The following GSTA1 variants were observed in gnomAD, a reference collection of about 807,000 sequenced individuals.
The protein encoded by GSTA1 is glutathione S-transferase alpha 1.
Under a neutral mutation model 21.5 loss-of-function variants are expected in GSTA1, and 23 were observed. That is an observed-to-expected ratio of 1.07 (90% confidence interval 0.77 to 1.52). The LOEUF is 1.52. Ranked by LOEUF, GSTA1 falls within the 40% of genes most tolerant of loss-of-function variation. The probability of loss-of-function intolerance (pLI) is 0.00; values close to 1 mark genes in which losing one functional copy is unlikely to be tolerated. For synonymous variants in GSTA1, 125 were observed against 90.0 expected, an observed-to-expected ratio of 1.39 and a Z score of -2.20; for missense variants, 301 against 264.2, an observed-to-expected ratio of 1.14 and a Z score of -0.96.
chr6:52,795,302 C>G (rs558171815), intron 4 of GSTA1, among the ~76,000 whole-genome samples: 1 of 152,120 alleles, frequency 6.6e-6, no homozygotes, highest in East Asian at 1.9e-4. Flanking sequence ...TACTTCATTC[C>G]TTTTCATGAC....
At chr6:52,796,487 A>ATGTGTG (rs1561912789) in intron 3 of GSTA1, among the ~76,000 whole-genome samples, 173 bp from the exon 4 acceptor site, 7 of 5,132 alleles carry the variant, frequency 1.4e-3, no homozygotes, top group African/African-American at 5.6e-3. Context: ...ATATATATAT[A>ATGTGTG]TATGTGTGTG....
chr6:52,800,030 C>T (rs1326803249), intron 1 of GSTA1, among the ~76,000 whole-genome samples: 1 of 152,192 alleles, frequency 6.6e-6, no homozygotes, highest in Non-Finnish European at 1.5e-5. Context: ...TTGTTAATCC[C>T]TGCAGCTTTT....
chr6:52,800,617 T>C (rs1763693560), intron 1 of GSTA1, among the ~76,000 whole-genome samples: 1 of 152,150 alleles, frequency 6.6e-6, no homozygotes, highest in Non-Finnish European at 1.5e-5. Context: ...TCCCAGGCTG[T>C]TTGGGAGGTG....
intron 1 of GSTA1, among the ~76,000 whole-genome samples, chr6:52,800,351 G>A (rs1472794662): frequency 6.6e-6 from 1 of 152,182 alleles, no homozygotes; most frequent in Admixed American, 6.5e-5. Context: ...CTATGTTAGT[G>A]TTTCTGAAAT....
chr6:52,794,280 A>G lies in GSTA1; in HGVS notation c.273-14T>C. ...TACATATCAATCCTGAAAGACAGAA[A>G]CAACCAAATGGTCAAATACCTTTTG... On this transcript the variant is annotated splice_polypyrimidine_tract_variant and intron_variant, in intron 4 of 6. Transcript: ENST00000334575. 1.2e-6 allele frequency: 2 copies of G among 1,605,914 alleles called. No homozygotes were observed. The highest frequency in any genetic ancestry group is 2.2e-5 in the East Asian group (1 of 44,810).
At chr6:52,795,505 T>C (rs1387585818) in intron 4 of GSTA1, among the ~76,000 whole-genome samples, 2 of 152,184 alleles carry the variant, frequency 1.3e-5, no homozygotes, top group South Asian at 2.1e-4. Context: ...GCTGGGTCAT[T>C]GGTAATACTA....
intron 4 of GSTA1, 151 bp downstream of exon 4, chr6:52,796,031 C>T: frequency 1.8e-6 from 2 of 1,127,954 alleles, no homozygotes; most frequent in African/African-American, 1.6e-5. Flanking sequence ...CCCTCATCTC[C>T]ATGGGACTCT....
At chr6:52,800,380 G>A (rs907068828) in intron 1 of GSTA1, among the ~76,000 whole-genome samples, 11 of 152,202 alleles carry the variant, frequency 7.2e-5, no homozygotes, top group African/African-American at 2.7e-4. Flanking sequence ...TAATCTTTCA[G>A]TAGATTGTGA....
rs542307071 is a variant in GSTA1 at position 52,797,695 on chromosome 6, CT to C, written c.88-59del. 5.4e-4 allele frequency: 758 copies of C among 1,409,986 alleles called. 14 individuals carry two copies. The South Asian group carries it at 8.2e-3, about 15-fold the overall frequency. The allele number at this position is 1,409,986 out of a possible 1,614,324, so 87.3% of individuals were successfully genotyped here. A position where few individuals can be genotyped will look rare whatever the true frequency, so the allele number is the denominator to read the frequency against. On this transcript the variant is annotated intron_variant, in intron 2 of 6. Transcript: ENST00000334575. The stretch of plus-strand genomic sequence containing the variant: ...AGTTCATTCTATTATAGACTGTGGC[CT>C]TGAATGGCCCCATCTGGTGCATCAT...
At chr6:52,796,548 T>G (rs1263307876) in intron 3 of GSTA1, among the ~76,000 whole-genome samples, 1 of 107,720 alleles carries the variant, frequency 9.3e-6, no homozygotes, top group African/African-American at 3.8e-5. Context: ...TATATATTTT[T>G]TTTTTTTTTT....
At chr6:52,793,059 T>G in intron 5 of GSTA1, 72 bp from the exon 6 acceptor site, 1 of 1,607,370 alleles carries the variant, frequency 6.2e-7, no homozygotes, top group Non-Finnish European at 8.5e-7. Context: ...TTTCGGAGCC[T>G]CTCCACCCTG....
At position 52,792,988 on chromosome 6, in the gene GSTA1, C is replaced by G. The variant is rs1561910484; in HGVS notation, c.415-1G>C. 1.2e-6 allele frequency: 2 copies of G among 1,614,016 alleles called. No individual in the cohort carries two copies. The highest frequency in any genetic ancestry group is 3.3e-5 in the Admixed American group (2 of 60,020). ...AGTCTTGTCCATGGCTCTTTAAGAC[C>G]TGGAGAATGGGAGGAATCAGATCAG... On this transcript the variant is annotated splice_acceptor_variant, in intron 5 of 6. Coordinates refer to ENST00000334575, the MANE Select transcript of GSTA1 (RefSeq NM_145740.5). LOFTEE classifies it high-confidence loss of function.
At chr6:52,796,445 G>A in intron 3 of GSTA1, 131 bp from the exon 4 acceptor site, 1 of 910,168 alleles carries the variant, frequency 1.1e-6, no homozygotes, top group South Asian at 1.6e-5. Context: ...GATTTCACTT[G>A]AAACAAAAAC....
rs759043837 is a variant in GSTA1, at chr6:52,799,213, T to C, written c.55A>G (p.Thr19Ala). ...CCAGCTGCAGCCAGGAGCCACCGGG[T>C]GGACTCCATTCTGCCCCGTGCATTG... The part of the protein sequence containing the change: ...YFNARGRMES[T>A]RWLLAAAGVE... Residue 19 changes from threonine (T) to alanine (A), a missense_variant, in exon 2 of 7, where the codon ACC becomes GCC. Transcript: ENST00000334575. 86 of 1,613,824 alleles carry C rather than the reference T, an allele frequency of 5.3e-5. No homozygotes were observed. Among genetic ancestry groups the C allele is most frequent in the Non-Finnish European group, 7.1e-5 (84 of 1,179,906 alleles).
At position 52,794,260 on chromosome 6, in the gene GSTA1, A is replaced by G. The variant is rs546435960; in HGVS notation, c.279T>C (p.Asp93=). 7 of 1,610,648 alleles carry G rather than the reference A, an allele frequency of 4.3e-6. No homozygotes were observed. In the Admixed American group the frequency reaches 8.4e-5, roughly 19 times the overall value. ...AATCTGCTATACCTTCTATATACAT[A>G]TCAATCCTGAAAGACAGAAACAACC... is the stretch of plus-strand genomic sequence containing the variant. The part of the protein sequence containing the change: ...GKDIKERALI[D]MYIEGIADLG... The change falls in exon 5 of 7, where the codon GAT becomes GAC. Residue 93 remains aspartate (D), a synonymous_variant. Coordinates refer to ENST00000334575, the MANE Select transcript of GSTA1 (RefSeq NM_145740.5).
At chr6:52,795,437 A>G (rs1268928505) in intron 4 of GSTA1, among the ~76,000 whole-genome samples, 1 of 152,170 alleles carries the variant, frequency 6.6e-6, no homozygotes, top group Non-Finnish European at 1.5e-5. Flanking sequence ...TTATTTATGT[A>G]AAATATATAG....
chr6:52,799,099 C>T (rs1245844379), intron 2 of GSTA1, 82 bp downstream of exon 2: 20 of 1,295,798 alleles, frequency 1.5e-5, no homozygotes, highest in Admixed American at 7.0e-5. Context: ...CTTCAGTAAG[C>T]AACATCTCAT....
intron 4 of GSTA1, 65 bp from the exon 5 acceptor site, chr6:52,794,331 AC>A: frequency 3.0e-5 from 46 of 1,517,422 alleles, no homozygotes; most frequent in Non-Finnish European, 4.1e-5. Flanking sequence ...GTTTATAAAA[AC>A]CTAAGGGAGT....
intron 1 of GSTA1, among the ~76,000 whole-genome samples, chr6:52,801,918 C>T (rs1356416877): frequency 6.9e-6 from 1 of 145,856 alleles, no homozygotes; most frequent in Non-Finnish European, 1.5e-5. Context: ...CTTCTGATTG[C>T]AGGTCCAGAG....
Sources: gnomAD v4.1 joint callset for allele counts (sites outside exome capture counted in the v4.1 genomes callset) on GRCh38, gnomAD v4.1.1 for gene constraint, MANE v1.5 for transcripts, NCBI Gene and HGNC (gene_info 2026-07-23, HGNC 2026-07-21) for gene names.